The following CPA3 variants were observed in gnomAD, a reference collection of about 807,000 sequenced individuals.
CPA3 encodes the protein carboxypeptidase A3.
A neutral mutation model predicts 55.8 loss-of-function variants in CPA3; 52 were observed. The observed-to-expected ratio is 0.93, with a 90% CI of 0.75 to 1.17. The LOEUF is 1.17. Among genes scored for constraint, CPA3 ranks in the 50% most tolerant of loss-of-function variants. The probability of loss-of-function intolerance (pLI) is 0.00; values close to 1 mark genes in which losing one functional copy is unlikely to be tolerated. For synonymous variants in CPA3, 179 were observed against 171.2 expected, an observed-to-expected ratio of 1.05 and a Z score of -0.36; for missense variants, 547 against 509.1, an observed-to-expected ratio of 1.07 and a Z score of -0.72.
At chr3:148,877,021 G>A (rs1229441204) in intron 3 of CPA3, among the ~76,000 whole-genome samples, 1 of 152,162 alleles carries the variant, frequency 6.6e-6, no homozygotes, top group Non-Finnish European at 1.5e-5. Context: ...TGTGTATAAA[G>A]CAGTACCTGG....
intron 10 of CPA3, among the ~76,000 whole-genome samples, chr3:148,888,173 G>A (rs1714582228): frequency 6.6e-6 from 1 of 152,188 alleles, no homozygotes. Context: ...CGTATTCCAA[G>A]CTGAAAGTAT....
chr3:148,883,519 T>C (rs935937890), intron 8 of CPA3, 94 bp from the exon 9 acceptor site: 1 of 1,053,300 alleles, frequency 9.5e-7, no homozygotes. Flanking sequence ...CAAAAACATT[T>C]AAAACATTCT....
At chr3:148,887,228 A>G (rs371020703) in intron 10 of CPA3, among the ~76,000 whole-genome samples, 7 of 152,344 alleles carry the variant, frequency 4.6e-5, no homozygotes, top group African/African-American at 1.7e-4. Flanking sequence ...GCCATAGACA[A>G]TAAGTCAGCA....
intron 10 of CPA3, among the ~76,000 whole-genome samples, chr3:148,891,409 C>T (rs779550897): frequency 4.6e-5 from 7 of 151,328 alleles, no homozygotes; most frequent in Admixed American, 2.0e-4. Context: ...CAGCCTGGGA[C>T]GTCGAGGATA....
intron 2 of CPA3, among the ~76,000 whole-genome samples, chr3:148,867,318 C>T (rs1713928869): frequency 6.6e-6 from 1 of 152,212 alleles, no homozygotes; most frequent in South Asian, 2.1e-4. Context: ...TGTTCATCAA[C>T]TCTCGTGACT....
chr3:148,881,011 A>T (rs1714347858), intron 6 of CPA3, among the ~76,000 whole-genome samples: 1 of 152,150 alleles, frequency 6.6e-6, no homozygotes, highest in Non-Finnish European at 1.5e-5. Flanking sequence ...GTGATTAGAG[A>T]AATTTCAGTC....
intron 7 of CPA3, among the ~76,000 whole-genome samples, chr3:148,882,248 T>C (rs1039441282): frequency 1.3e-5 from 2 of 152,208 alleles, no homozygotes; most frequent in African/African-American, 4.8e-5. Context: ...CTTCTAATAC[T>C]GTGAACTAAT....
At chr3:148,883,509 C>A in intron 8 of CPA3, 104 bp from the exon 9 acceptor site, 2 of 945,828 alleles carry the variant, frequency 2.1e-6, no homozygotes, top group Non-Finnish European at 3.2e-6. Context: ...ACATGAGAGG[C>A]AAAAACATTT....
chr3:148,888,073 T>C (rs1317192434), intron 10 of CPA3, among the ~76,000 whole-genome samples: 1 of 152,246 alleles, frequency 6.6e-6, no homozygotes, highest in Admixed American at 6.5e-5. Flanking sequence ...ATTACACTTT[T>C]AGAATCTGTG....
Position 148,866,843 on chromosome 3 carries a change from G to A in CPA3, c.144+1295G>A, listed in dbSNP as rs140627953. Among the ~76,000 whole-genome samples, 725 of 152,072 alleles carry A rather than the reference G, an allele frequency of 4.8e-3. 4 individuals are homozygous for A. Among genetic ancestry groups the A allele is most frequent in the Middle Eastern group, 6.8e-3 (2 of 294 alleles). On this transcript the variant is annotated intron_variant, in intron 2 of 10. Transcript: ENST00000296046. ...CAGTGGCACAATCTCTGCAGCCTCC[G>A]ACTCCCAGGTTCAAGCGATTCACCT...
At chr3:148,866,945 C>T (rs929849758) in intron 2 of CPA3, among the ~76,000 whole-genome samples, 3 of 151,990 alleles carry the variant, frequency 2.0e-5, no homozygotes, top group East Asian at 1.9e-4. Context: ...TTAGTGAAGA[C>T]GGGGTTTTGC....
chr3:148,877,500 A>AAAAG (rs367802562), intron 3 of CPA3, among the ~76,000 whole-genome samples: 3 of 152,166 alleles, frequency 2.0e-5, no homozygotes, highest in African/African-American at 2.4e-5. Context: ...ATCTAAAAAA[A>AAAAG]AAAGAAAGAA....
intron 5 of CPA3, among the ~76,000 whole-genome samples, chr3:148,879,278 CCATT>C (rs1445212340): frequency 1.3e-5 from 2 of 152,104 alleles, no homozygotes; most frequent in Admixed American, 6.6e-5. Context: ...TCCCAAACCC[CCATT>C]CATTCATTAT....
chr3:148,893,768 G>A (rs562543302), intron 10 of CPA3, among the ~76,000 whole-genome samples: 10 of 152,236 alleles, frequency 6.6e-5, no homozygotes, highest in East Asian at 3.9e-4. Flanking sequence ...GAAACAAGTC[G>A]TAAAAGGAAT....
chr3:148,879,280 A>T, intron 5 of CPA3, among the ~76,000 whole-genome samples: 1 of 152,270 alleles, frequency 6.6e-6, no homozygotes, highest in Non-Finnish European at 1.5e-5. Context: ...CCAAACCCCC[A>T]TTCATTCATT....
intron 9 of CPA3, among the ~76,000 whole-genome samples, chr3:148,884,879 A>C (rs149367365): frequency 0.012 from 1,806 of 151,952 alleles, 35 homozygotes; most frequent in African/African-American, 0.04. Context: ...AAAAAAAAAA[A>C]CCACTTTGAG....
chr3:148,875,920 T>G (rs569051736), intron 3 of CPA3, among the ~76,000 whole-genome samples: 13 of 152,234 alleles, frequency 8.5e-5, no homozygotes, highest in African/African-American at 3.1e-4. Flanking sequence ...AAAAAAAGAA[T>G]GCCGTCTATG....
Position 148,896,978 on chromosome 3 carries a change from G to C in CPA3, c.*271G>C, listed in dbSNP as rs982977082. 1.9e-5 allele frequency: 5 copies of C among 264,980 alleles called. No homozygotes were observed. Among genetic ancestry groups the C allele is most frequent in the Admixed American group, 5.3e-5 (1 of 18,946 alleles). 16.4% of individuals were successfully genotyped at this position (264,980 alleles called of 1,614,324 possible). On this transcript the variant is annotated 3_prime_UTR_variant, in exon 11 of 11. Transcript: ENST00000296046. ...ATTATTTTGAAAGGTGATATACAGT[G>C]GGGCACAGAAAACAAATGAAAACCT...
At chr3:148,874,286 A>C (rs1194139427) in intron 3 of CPA3, among the ~76,000 whole-genome samples, 3 of 152,160 alleles carry the variant, frequency 2.0e-5, no homozygotes, top group Non-Finnish European at 4.4e-5. Context: ...TCTTAGATAC[A>C]AGCTTCCTGT....
Sources: gnomAD v4.1 joint callset for allele counts (sites outside exome capture counted in the v4.1 genomes callset) on GRCh38, gnomAD v4.1.1 for gene constraint, MANE v1.5 for transcripts, NCBI Gene and HGNC (gene_info 2026-07-23, HGNC 2026-07-21) for gene names.